COL5A1: variants seen among roughly 807,000 people sequenced by gnomAD.
COL5A1 encodes the protein collagen type V alpha 1 chain.
Under a neutral mutation model 263.7 loss-of-function variants are expected in COL5A1, and 16 were observed. That is an observed-to-expected ratio of 0.06 (90% CI 0.04 to 0.09). The LOEUF is 0.09. Among genes scored for constraint, COL5A1 ranks in the 10% least tolerant of loss-of-function variants. The pLI, the probability that COL5A1 is intolerant of heterozygous loss-of-function variation, is 1.00. For synonymous variants in COL5A1, 1,012 were observed against 1,004.5 expected (o/e 1.01, Z -0.14); for missense variants, 2,036 against 2,540.5 (o/e 0.80, Z 4.27).
intron 13 of COL5A1, 65 bp from the exon 14 acceptor site, chr9:134,752,524 G>T: frequency 7.9e-7 from 1 of 1,270,848 alleles, no homozygotes; most frequent in South Asian, 1.2e-5. Context: ...TCACGGCTCA[G>T]GCGCCAGCAA....
intron 1 of COL5A1, among the ~76,000 whole-genome samples, chr9:134,659,298 A>G (rs539872254): frequency 6.6e-6 from 1 of 152,308 alleles, no homozygotes; most frequent in South Asian, 2.1e-4. Flanking sequence ...CTGAGGCAGG[A>G]GAATTGCTTG....
intron 1 of COL5A1, 150 bp from the exon 2 acceptor site, chr9:134,690,762 C>A: frequency 1.1e-6 from 1 of 933,820 alleles, no homozygotes; most frequent in South Asian, 1.4e-5. Context: ...TCGCCCAGCA[C>A]GCGGCTCTAA....
At chr9:134,714,295 T>A (rs866991889) in intron 4 of COL5A1, among the ~76,000 whole-genome samples, 1 of 151,242 alleles carries the variant, frequency 6.6e-6, no homozygotes, top group Middle Eastern at 3.4e-3. Context: ...GTGGTAGTGA[T>A]GATGGTCATA....
At chr9:134,718,790 A>C (rs1289591298) in intron 4 of COL5A1, among the ~76,000 whole-genome samples, 2 of 152,190 alleles carry the variant, frequency 1.3e-5, no homozygotes, top group Admixed American at 6.5e-5. Context: ...ATGGCCTGCG[A>C]GAGTGGCGCT....
At chr9:134,707,889 G>A (rs184978021) in intron 4 of COL5A1, among the ~76,000 whole-genome samples, 6 of 152,280 alleles carry the variant, frequency 3.9e-5, no homozygotes, top group South Asian at 2.1e-4. Context: ...CAGACTTCCC[G>A]GCACACAGGC....
At chr9:134,772,872 A>G in intron 26 of COL5A1, 38 bp downstream of exon 26, 1 of 1,608,810 alleles carries the variant, frequency 6.2e-7, no homozygotes, top group East Asian at 2.2e-5. Context: ...TTCAGCATCC[A>G]GGTGGGGCGG....
intron 4 of COL5A1, among the ~76,000 whole-genome samples, chr9:134,703,838 A>C (rs751800658): frequency 4.9e-4 from 74 of 151,386 alleles, no homozygotes; most frequent in Non-Finnish European, 8.3e-4. Context: ...ATGGGGTTTC[A>C]CTGTGTTAGC....
At chr9:134,769,333 G>A (rs1291751685) in intron 25 of COL5A1, among the ~76,000 whole-genome samples, 3 of 152,168 alleles carry the variant, frequency 2.0e-5, no homozygotes, top group African/African-American at 4.8e-5. Flanking sequence ...AAGCAGAGTG[G>A]AGCCTTCTCA....
chr9:134,803,851 GA>G (rs35722600), intron 39 of COL5A1, among the ~76,000 whole-genome samples: 5 of 148,038 alleles, frequency 3.4e-5, no homozygotes, highest in African/African-American at 9.9e-5. Flanking sequence ...TCAAAAAAAA[GA>G]AAAAAAAACA....
At position 134,730,463 on chromosome 9, in the gene COL5A1, C is replaced by T. The variant is rs1275606080; in HGVS notation, c.1152C>T (p.Ser384=). 5 of 1,614,006 alleles carry T rather than the reference C, an allele frequency of 3.1e-6. No homozygotes were observed. In the African/African-American group the frequency reaches 6.7e-5, roughly 22 times the overall value. Residue 384 remains serine (S), a synonymous_variant, in exon 7 of 66, where the codon TCC becomes TCT. Coordinates refer to ENST00000371817, the MANE Select transcript of COL5A1 (RefSeq NM_000093.5). The part of the protein sequence containing the change: ...AEIPTSTADT[S]NSSNPAPPPG... Reference sequence around the variant, plus strand: ...TTCCCACCAGCACCGCCGACACCTCCAACTCCTCCAATGTAATTTCTTTCC... The same window carrying T: ...TTCCCACCAGCACCGCCGACACCTCTAACTCCTCCAATGTAATTTCTTTCC...
chr9:134,647,437 C>T lies in COL5A1; in HGVS notation c.109+5141C>T, dbSNP rs914593286. 2.6e-5 allele frequency among the ~76,000 whole-genome samples: 4 copies of T among 152,134 alleles called. No homozygotes were observed. The highest frequency in any genetic ancestry group is 9.7e-5 in the African/African-American group (4 of 41,422). ...TGTGGACAATGTGTATATCTCCCCG[C>T]GATCTGCCTGCACACATGTGTTTGT... is the stretch of plus-strand genomic sequence containing the variant. On this transcript the variant is annotated intron_variant, in intron 1 of 65. Coordinates refer to ENST00000371817, the MANE Select transcript of COL5A1 (RefSeq NM_000093.5). The surrounding 1 kb of genome is among the most constrained non-coding windows in gnomAD (Gnocchi z 5.0).
Position 134,767,262 on chromosome 9 carries a change from G to A in COL5A1, c.2188-48G>A, listed in dbSNP as rs1356294709. Reference sequence around the variant, plus strand: ...GACAGATGGCAGGGGAGGGTTCTGAGTCAATCAGCGCCCTCACCTTCCCTT... The same window carrying A: ...GACAGATGGCAGGGGAGGGTTCTGAATCAATCAGCGCCCTCACCTTCCCTT... On this transcript the variant is annotated intron_variant, in intron 23 of 65. Transcript: ENST00000371817. 1.9e-6 allele frequency: 3 copies of A among 1,584,978 alleles called. No homozygotes were observed. The East Asian group carries it at 6.7e-5, about 35-fold the overall frequency.
At position 134,808,902 on chromosome 9, in the gene COL5A1, C is replaced by T. The variant is rs188531160; in HGVS notation, c.3367-281C>T. ...CGGCTGGATTTGGATCCTGTCTCTA[C>T]TGCTCACTAACTGTGCCTCAGTTTC... On this transcript the variant is annotated intron_variant, in intron 42 of 65. Transcript: ENST00000371817. 1,008 of 519,100 alleles carry T rather than the reference C, an allele frequency of 1.9e-3. 10 individuals carry two copies. Among genetic ancestry groups the T allele is most frequent in the African/African-American group, 0.018 (922 of 52,256 alleles). The allele number at this position is 519,100 out of a possible 1,614,324, so 32.2% of individuals were successfully genotyped here. A position where few individuals can be genotyped will look rare whatever the true frequency, so the allele number is the denominator to read the frequency against.
intron 51 of COL5A1, 44 bp from the exon 52 acceptor site, chr9:134,815,891 G>C: frequency 6.2e-7 from 1 of 1,609,294 alleles, no homozygotes. Context: ...TGAACTCAGG[G>C]TGCCATCCGG....
At position 134,804,962 on chromosome 9, in the gene COL5A1, ACT is replaced by A. The variant is rs1444713104; in HGVS notation, c.3115-10_3115-9del. ...CTGGCTCCAGGAAAGCTCATCTCTG[ACT>A]CTGTTTTCAGGGTGACCCAGGCCCT... On this transcript the variant is annotated splice_polypyrimidine_tract_variant and intron_variant, in intron 39 of 65. Transcript: ENST00000371817. The A allele has an allele frequency of 3.1e-6, 5 of 1,610,814 alleles. No individual in the cohort carries two copies. The highest frequency in any genetic ancestry group is 4.2e-6 in the Non-Finnish European group (5 of 1,177,508).
Position 134,641,897 on chromosome 9 carries a change from G to T in COL5A1, c.-291G>T. On this transcript the variant is annotated 5_prime_UTR_variant, in exon 1 of 66. Transcript: ENST00000371817. ...GCGGGGCGGCGGCGGCGAGGAGGAG[G>T]CGAGAAGGAGTTGGAGGAGGAGGAG... is the stretch of plus-strand genomic sequence containing the variant. 2.6e-6 allele frequency: 1 copy of T among 390,744 alleles called. No homozygotes were observed. Among genetic ancestry groups the T allele is most frequent in the Non-Finnish European group, 4.5e-6 (1 of 221,154 alleles). The allele number at this position is 390,744 out of a possible 1,614,324, so 24.2% of individuals were successfully genotyped here.
rs547987151 is a variant in COL5A1, at chr9:134,725,309, G to A, written c.655-1957G>A. On this transcript the variant is annotated intron_variant, in intron 4 of 65. Coordinates refer to ENST00000371817, the MANE Select transcript of COL5A1 (RefSeq NM_000093.5). ...CTCTGTTGTAGAGTGGGGATTAGTCGGACACAATTCATAGGGTTCTTGAGG... is the reference window on the plus strand; with the variant it reads ...CTCTGTTGTAGAGTGGGGATTAGTCAGACACAATTCATAGGGTTCTTGAGG... 3.3e-5 allele frequency among the ~76,000 whole-genome samples: 5 copies of A among 152,274 alleles called. No homozygotes were observed. The East Asian group carries it at 5.8e-4, about 18-fold the overall frequency.
intron 57 of COL5A1, among the ~76,000 whole-genome samples, chr9:134,819,719 C>T (rs1228372818): frequency 6.6e-6 from 1 of 152,236 alleles, no homozygotes; most frequent in Non-Finnish European, 1.5e-5. Context: ...ATCTATAATA[C>T]TCTGCATCTT....
intron 1 of COL5A1, chr9:134,653,087 G>T (rs1831751847): frequency 5.5e-6 from 1 of 180,254 alleles, no homozygotes; most frequent in Non-Finnish European, 1.2e-5. Flanking sequence ...GGGTGTGGCT[G>T]TTCCTCCACC....
Sources: gnomAD v4.1 joint callset for allele counts (sites outside exome capture counted in the v4.1 genomes callset) on GRCh38, gnomAD v4.1.1 for gene constraint, Gnocchi (gnomAD v3.1) non-coding constraint, MANE v1.5 for transcripts, NCBI Gene and HGNC (gene_info 2026-07-23, HGNC 2026-07-21) for gene names.